Variants in KCNIP4 observed in about 807,000 individuals in gnomAD.
KCNIP4 encodes potassium voltage-gated channel interacting protein 4.
Under a neutral mutation model 34.0 loss-of-function variants are expected in KCNIP4, and 12 were observed. The observed-to-expected ratio is 0.35, with a 90% CI of 0.23 to 0.57. The LOEUF is 0.57. Among genes scored for constraint, KCNIP4 ranks in the 20% least tolerant of loss-of-function variants. The pLI, the probability that KCNIP4 is intolerant of heterozygous loss-of-function variation, is 0.83. For synonymous variants in KCNIP4, 124 were observed against 102.2 expected, an observed-to-expected ratio of 1.21 and a Z score of -1.29; for missense variants, 238 against 311.7, an observed-to-expected ratio of 0.76 and a Z score of 1.78.
intron 1 of KCNIP4, among the ~76,000 whole-genome samples, chr4:21,569,771 T>TA (rs1740219832): frequency 1.3e-5 from 2 of 151,992 alleles, no homozygotes; most frequent in Non-Finnish European, 2.9e-5. Context: ...AGGAAGTTGC[T>TA]ACCATTCTTC....
intron 1 of KCNIP4, among the ~76,000 whole-genome samples, chr4:21,305,206 G>C (rs2109255747): frequency 6.6e-6 from 1 of 152,292 alleles, no homozygotes; most frequent in East Asian, 1.9e-4. Context: ...AAAAGGCAGA[G>C]CAGGATAGAA....
chr4:21,670,452 G>A (rs1749386900), intron 1 of KCNIP4, among the ~76,000 whole-genome samples: 2 of 150,388 alleles, frequency 1.3e-5, no homozygotes, highest in African/African-American at 4.9e-5. Context: ...GGATAGCATT[G>A]GGAGATATAC....
chr4:21,513,662 T>A lies in KCNIP4; in HGVS notation c.61+434909A>T, dbSNP rs372241445. On this transcript the variant is annotated intron_variant, in intron 1 of 8. Transcript: ENST00000382152. ...GAATAGTGTAACATAGGCAGAACCTTCAGCCTTCACGTGGCATGTGCTAAA... is the reference window on the plus strand; with the variant it reads ...GAATAGTGTAACATAGGCAGAACCTACAGCCTTCACGTGGCATGTGCTAAA... Among the ~76,000 whole-genome samples, 8 of 152,370 alleles carry A rather than the reference T, an allele frequency of 5.3e-5. No individual in the cohort carries two copies. In the East Asian group the frequency reaches 1.2e-3, roughly 22 times the overall value.
At position 20,729,332 on chromosome 4, in the gene KCNIP4, G is replaced by C. The variant is rs892491665; in HGVS notation, c.*750C>G. ...CACTTAATGATTGATACTAATGATT[G>C]ATACAATAGAAAACAGCCTGTAAGA... On this transcript the variant is annotated 3_prime_UTR_variant, in exon 9 of 9. Coordinates refer to ENST00000382152, the MANE Select transcript of KCNIP4 (RefSeq NM_025221.6). 1 of 151,432 alleles carries C rather than the reference G, an allele frequency of 6.6e-6. No homozygotes were observed. Among genetic ancestry groups the C allele is most frequent in the African/African-American group, 2.4e-5 (1 of 41,322 alleles). 9.4% of individuals were successfully genotyped at this position (151,432 alleles called of 1,614,324 possible).
chr4:21,461,184 G>A (rs1729433361), intron 1 of KCNIP4, among the ~76,000 whole-genome samples: 1 of 151,816 alleles, frequency 6.6e-6, no homozygotes, highest in Admixed American at 6.6e-5. Context: ...ATGAGATCTG[G>A]CTGTTTAAAA....
intron 4 of KCNIP4, among the ~76,000 whole-genome samples, chr4:20,758,387 C>T (rs578196215): frequency 1.3e-5 from 2 of 152,244 alleles, no homozygotes; most frequent in Non-Finnish European, 2.9e-5. Context: ...GCCACTGAGT[C>T]AATATGTGGC....
Position 21,336,016 on chromosome 4 carries a change from T to A in KCNIP4, c.62-453307A>T, listed in dbSNP as rs540737328. Among the ~76,000 whole-genome samples, 5 of 152,280 alleles carry A rather than the reference T, an allele frequency of 3.3e-5. No homozygotes were observed. In the South Asian group the frequency reaches 8.3e-4, roughly 25 times the overall value. ...ACATATATTTATATTTTTTTGCATG[T>A]GGATGTTACCCTATGTAATATATGA... is the stretch of plus-strand genomic sequence containing the variant. On this transcript the variant is annotated intron_variant, in intron 1 of 8. Transcript: ENST00000382152.
intron 2 of KCNIP4, among the ~76,000 whole-genome samples, chr4:20,877,355 G>A (rs557402738): frequency 7.2e-5 from 11 of 152,168 alleles, no homozygotes; most frequent in African/African-American, 1.9e-4. Flanking sequence ...GCATACCTTT[G>A]CAAATTGTCC....
At chr4:21,271,516 T>C (rs900638651) in intron 1 of KCNIP4, among the ~76,000 whole-genome samples, 6 of 152,114 alleles carry the variant, frequency 3.9e-5, no homozygotes, top group African/African-American at 9.7e-5. Flanking sequence ...TGCCAATGCT[T>C]ATAGATAGTT....
intron 1 of KCNIP4, among the ~76,000 whole-genome samples, chr4:21,409,501 T>G (rs539938712): frequency 6.6e-6 from 1 of 152,146 alleles, no homozygotes; most frequent in African/African-American, 2.4e-5. Context: ...ATTTACCATA[T>G]GAATTAAAAT....
At chr4:20,879,964 C>T (rs1724491718) in intron 2 of KCNIP4, among the ~76,000 whole-genome samples, 2 of 152,066 alleles carry the variant, frequency 1.3e-5, no homozygotes, top group South Asian at 4.1e-4. Flanking sequence ...AAGAGGAAAA[C>T]TCTAAATATC....
intron 1 of KCNIP4, among the ~76,000 whole-genome samples, chr4:21,418,201 A>G (rs1460544804): frequency 6.6e-6 from 1 of 152,130 alleles, no homozygotes; most frequent in Non-Finnish European, 1.5e-5. Flanking sequence ...ACAGGGACAT[A>G]AGACTTCTGG....
intron 1 of KCNIP4, among the ~76,000 whole-genome samples, chr4:21,255,261 C>G (rs1331778228): frequency 2.2e-5 from 3 of 134,596 alleles, no homozygotes; most frequent in African/African-American, 9.1e-5. Flanking sequence ...TCTAATATGA[C>G]CTTTGATTAA....
intron 1 of KCNIP4, among the ~76,000 whole-genome samples, chr4:21,876,922 C>T (rs1316703169): frequency 3.3e-5 from 5 of 151,856 alleles, no homozygotes; most frequent in Non-Finnish European, 7.4e-5. Flanking sequence ...GCAAGCCAGT[C>T]CATCTGCTAG....
chr4:21,193,285 C>A (rs945237104), intron 1 of KCNIP4, among the ~76,000 whole-genome samples: 9 of 152,140 alleles, frequency 5.9e-5, no homozygotes, highest in Non-Finnish European at 1.2e-4. Flanking sequence ...TACTTACACT[C>A]TTTTTAAAGC....
intron 3 of KCNIP4, among the ~76,000 whole-genome samples, chr4:20,806,339 T>A (rs965797184): frequency 6.6e-6 from 1 of 152,022 alleles, no homozygotes; most frequent in Non-Finnish European, 1.5e-5. Context: ...ATCTCTCTTG[T>A]GTGCTTTTTT....
intron 3 of KCNIP4, among the ~76,000 whole-genome samples, chr4:20,774,156 A>G (rs1756162215): frequency 6.6e-6 from 1 of 152,208 alleles, no homozygotes; most frequent in Non-Finnish European, 1.5e-5. Flanking sequence ...ATAAACACCC[A>G]GTACACATTC....
At chr4:21,666,079 T>G (rs1024426984) in intron 1 of KCNIP4, among the ~76,000 whole-genome samples, 1 of 152,230 alleles carries the variant, frequency 6.6e-6, no homozygotes, top group African/African-American at 2.4e-5. Flanking sequence ...CTCCTGCCTA[T>G]AGAAGAATTT....
chr4:21,602,819 T>G (rs1743303495), intron 1 of KCNIP4, among the ~76,000 whole-genome samples: 1 of 152,090 alleles, frequency 6.6e-6, no homozygotes, highest in Non-Finnish European at 1.5e-5. Flanking sequence ...TAATGCTTAG[T>G]TCAAGGGAGG....
Sources: gnomAD v4.1 joint callset for allele counts (sites outside exome capture counted in the v4.1 genomes callset) on GRCh38, gnomAD v4.1.1 for gene constraint, MANE v1.5 for transcripts, NCBI Gene and HGNC (gene_info 2026-07-23, HGNC 2026-07-21) for gene names.